Variants in AARS1 observed in about 807,000 individuals in gnomAD.
AARS1 encodes the protein alanyl-tRNA synthetase 1.
In AARS1, 72 loss-of-function variants were observed where a neutral mutation model predicts 108.9. The observed-to-expected ratio is 0.66, with a 90% CI of 0.55 to 0.80. The LOEUF (loss-of-function observed/expected upper bound fraction) is 0.80. AARS1 is among the 30% of genes least tolerant of loss of function. The pLI, the probability that AARS1 is intolerant of heterozygous loss-of-function variation, is 0.00. For missense variants in AARS1, 1,193 were observed against 1,233.2 expected (o/e 0.97, Z 0.49); for synonymous variants, 489 against 465.7 (o/e 1.05, Z -0.64).
intron 1 of AARS1, among the ~76,000 whole-genome samples, chr16:70,285,221 T>G (rs999401729): frequency 9.6e-5 from 14 of 146,284 alleles, no homozygotes; most frequent in Non-Finnish European, 1.5e-4. Context: ...TGAGGGAGAC[T>G]CCGTCTAAAA....
At chr16:70,283,355 C>T (rs1199742847) in intron 1 of AARS1, among the ~76,000 whole-genome samples, 3 of 151,674 alleles carry the variant, frequency 2.0e-5, no homozygotes, top group African/African-American at 7.3e-5. Context: ...CAAGACCACA[C>T]CACTGCACTC....
intron 14 of AARS1, 129 bp from the exon 15 acceptor site, chr16:70,258,346 G>C: frequency 1.0e-6 from 1 of 955,296 alleles, no homozygotes; most frequent in South Asian, 1.4e-5. Context: ...CGTGCCATGA[G>C]CTTCCTCAAT....
chr16:70,277,646 G>C (rs1183102510), intron 2 of AARS1, among the ~76,000 whole-genome samples: 1 of 152,146 alleles, frequency 6.6e-6, no homozygotes, highest in African/African-American at 2.4e-5. Context: ...GCCTTGCTCT[G>C]AGGATGTATC....
At chr16:70,273,561 T>C (rs1286337572) in intron 4 of AARS1, among the ~76,000 whole-genome samples, 1 of 151,634 alleles carries the variant, frequency 6.6e-6, no homozygotes, top group African/African-American at 2.4e-5. Context: ...CTACAAAAAA[T>C]ACAAAAATTA....
intron 2 of AARS1, among the ~76,000 whole-genome samples, chr16:70,279,084 G>C (rs1026593859): frequency 1.6e-4 from 25 of 152,180 alleles, no homozygotes; most frequent in Non-Finnish European, 3.5e-4. Flanking sequence ...GGGCGTGGTG[G>C]CTCACGCCTG....
At chr16:70,280,427 C>G (rs1414127491) in intron 2 of AARS1, among the ~76,000 whole-genome samples, 1 of 152,216 alleles carries the variant, frequency 6.6e-6, no homozygotes. Context: ...CCTCCCGTCT[C>G]AGCCTCCTGA....
intron 15 of AARS1, among the ~76,000 whole-genome samples, chr16:70,256,847 G>T (rs1960003968): frequency 6.6e-6 from 1 of 152,058 alleles, no homozygotes; most frequent in Non-Finnish European, 1.5e-5. Context: ...GGGCGTGGTG[G>T]CTCACACCTG....
At chr16:70,279,868 C>T (rs1960652300) in intron 2 of AARS1, among the ~76,000 whole-genome samples, 2 of 151,868 alleles carry the variant, frequency 1.3e-5, no homozygotes, top group African/African-American at 4.8e-5. Context: ...ATGCATAGGA[C>T]TCACACATAA....
At chr16:70,277,944 G>C (rs536805917) in intron 2 of AARS1, among the ~76,000 whole-genome samples, 2 of 152,062 alleles carry the variant, frequency 1.3e-5, no homozygotes, top group East Asian at 3.9e-4. Context: ...GTAGAGACAG[G>C]GTTTCGTCAT....
intron 8 of AARS1, 77 bp from the exon 9 acceptor site, chr16:70,267,886 AGC>A (rs1960301654): frequency 6.3e-7 from 1 of 1,599,012 alleles, no homozygotes; most frequent in Non-Finnish European, 8.5e-7. Context: ...AAAGCTCCTT[AGC>A]TGGGTGCAGT....
chr16:70,274,051 T>C (rs1960477524), intron 4 of AARS1, among the ~76,000 whole-genome samples: 1 of 150,256 alleles, frequency 6.7e-6, no homozygotes, highest in Admixed American at 6.7e-5. Context: ...AATTCCTTTT[T>C]CCAGCTTGGT....
At chr16:70,281,826 A>C (rs904520175) in intron 2 of AARS1, among the ~76,000 whole-genome samples, 3 of 148,684 alleles carry the variant, frequency 2.0e-5, no homozygotes, top group Non-Finnish European at 4.5e-5. Flanking sequence ...CACTCCAGCA[A>C]GGGTGACAGA....
At chr16:70,283,118 G>A (rs957148446) in intron 1 of AARS1, among the ~76,000 whole-genome samples, 1 of 152,200 alleles carries the variant, frequency 6.6e-6, no homozygotes, top group African/African-American at 2.4e-5. Flanking sequence ...AAGAGGGACA[G>A]CCAGGCACGA....
At chr16:70,270,048 C>T (rs1169771690) in intron 6 of AARS1, 148 bp downstream of exon 6, 4 of 1,036,260 alleles carry the variant, frequency 3.9e-6, no homozygotes, top group Admixed American at 1.9e-5. Context: ...ATTTGTGGAG[C>T]CTCACATTAT....
intron 14 of AARS1, among the ~76,000 whole-genome samples, chr16:70,258,726 C>T (rs1007305767): frequency 1.3e-5 from 2 of 152,266 alleles, no homozygotes; most frequent in Non-Finnish European, 1.5e-5. Context: ...CCACCACGCC[C>T]GGCTAATTTT....
At position 70,288,098 on chromosome 16, in the gene AARS1, C is replaced by CTTTT. The variant is rs34369477; in HGVS notation, c.-22+1319_-22+1322dup. 2.5e-3 allele frequency among the ~76,000 whole-genome samples: 207 copies of CTTTT among 83,898 alleles called. 1 individual carries two copies. Among genetic ancestry groups the CTTTT allele is most frequent in the Non-Finnish European group, 3.0e-3 (139 of 46,226 alleles). The allele number at this position is 83,898 out of a possible 152,430, so 55.0% of individuals were successfully genotyped here. ...TATTTAAGACAGCCTTCCCCTTCTT[C>CTTTT]TTTTTTTTTTTTTTTTTTTTTTGAG... On this transcript the variant is annotated intron_variant, in intron 1 of 20. Coordinates refer to ENST00000261772, the MANE Select transcript of AARS1 (RefSeq NM_001605.3).
At position 70,289,500 on chromosome 16, in the gene AARS1, C is replaced by G. The variant is rs938947181; in HGVS notation, c.-101G>C. 2.2e-6 allele frequency: 1 copy of G among 450,178 alleles called. No homozygotes were observed. Among genetic ancestry groups the G allele is most frequent in the Non-Finnish European group, 4.5e-6 (1 of 223,730 alleles). 27.9% of individuals were successfully genotyped at this position (450,178 alleles called of 1,614,324 possible). A position where few individuals can be genotyped will look rare whatever the true frequency, so the allele number is the denominator to read the frequency against. On this transcript the variant is annotated 5_prime_UTR_variant, in exon 1 of 21. Coordinates refer to ENST00000261772, the MANE Select transcript of AARS1 (RefSeq NM_001605.3). ...CGCTGCACCTATTCCCGCAGACGCG[C>G]AGCTGTACCGGCCTCAGACCACGAC...
At chr16:70,264,181 G>A (rs1960210745) in intron 11 of AARS1, among the ~76,000 whole-genome samples, 1 of 150,236 alleles carries the variant, frequency 6.7e-6, no homozygotes, top group African/African-American at 2.4e-5. Flanking sequence ...AGGAGGTGGA[G>A]GTTGCAGTGA....
chr16:70,285,372 G>C (rs1468762898), intron 1 of AARS1, among the ~76,000 whole-genome samples: 1 of 152,078 alleles, frequency 6.6e-6, no homozygotes, highest in Non-Finnish European at 1.5e-5. Context: ...CTTAAACTCC[G>C]AGGCTCAAGT....
Sources: gnomAD v4.1 joint callset for allele counts (sites outside exome capture counted in the v4.1 genomes callset) on GRCh38, gnomAD v4.1.1 for gene constraint, MANE v1.5 for transcripts, NCBI Gene and HGNC (gene_info 2026-07-23, HGNC 2026-07-21) for gene names.